DCTN1: variants seen among roughly 807,000 people sequenced by gnomAD.
DCTN1 encodes the protein 150 kDa dynein-associated polypeptide.
DCTN1 carries 61 observed loss-of-function variants against 161.2 expected under a neutral mutation model. The ratio of observed to expected loss-of-function variants is 0.38; its 90% confidence interval spans 0.31 to 0.47. The LOEUF is 0.47. Among genes scored for constraint, DCTN1 ranks in the 20% least tolerant of loss-of-function variants. The pLI, the probability that DCTN1 is intolerant of heterozygous loss-of-function variation, is 0.99. For missense variants in DCTN1, 1,404 were observed against 1,623.7 expected (o/e 0.86, Z 2.33); for synonymous variants, 653 against 632.4 (o/e 1.03, Z -0.49).
upstream of DCTN1, among the ~76,000 whole-genome samples, chr2:74,383,411 A>G (rs1029222687): frequency 6.6e-6 from 1 of 152,232 alleles, no homozygotes; most frequent in African/African-American, 2.4e-5. Context: ...GGAGTTTAAC[A>G]TCAGGCAGAC....
chr2:74,377,684 T>C lies in DCTN1; in HGVS notation c.322A>G (p.Thr108Ala). The change falls in exon 3 of 32, where the codon ACA (threonine) becomes GCA (alanine). Residue 108 changes from threonine to alanine, a missense_variant. Thr to Ala is a moderately conservative substitution (Grantham distance 58). Around this residue, in one of 9 missense-constraint regions of DCTN1, gnomAD observed 174 missense variants for 175.6 expected, o/e 0.99. Coordinates refer to ENST00000628224, the MANE Select transcript of DCTN1 (RefSeq NM_004082.5). ...ACTTTTGAAGCAGAAGAATCAGGTG[T>C]CTCTGGGGAAGTAGTATCTGCTCCA... Reference protein sequence around the residue: ...EDGADTTSPETPDSSASKVLK... With the variant: ...EDGADTTSPEAPDSSASKVLK... 6.2e-7 allele frequency: 1 copy of C among 1,614,200 alleles called. No homozygotes were observed. The highest frequency in any genetic ancestry group is 8.5e-7 in the Non-Finnish European group (1 of 1,180,022).
chr2:74,389,147 G>A, intron 1 of DCTN1, among the ~76,000 whole-genome samples: 1 of 152,144 alleles, frequency 6.6e-6, no homozygotes, highest in East Asian at 1.9e-4. Flanking sequence ...ATGCTCTGCT[G>A]TAGTGAAGCC....
At position 74,363,157 on chromosome 2, in the gene DCTN1, G is replaced by A; in HGVS notation, c.3366C>T (p.Ser1122=). 1 of 1,614,138 alleles carries A rather than the reference G, an allele frequency of 6.2e-7. No homozygotes were observed. The highest frequency in any genetic ancestry group is 8.5e-7 in the Non-Finnish European group (1 of 1,180,006). The change falls in exon 29 of 32, where the codon TCC becomes TCT. Residue 1122 remains serine, a synonymous_variant. Transcript: ENST00000628224. ...CATGCAGAGGGGGCAGGGATGCCAA[G>A]GATGCCTTCATCTGGGCTCCCTGTG... ...SILKGAQMKA[S]LASLPPLHVA...
At chr2:74,391,384 T>TCA in intron 1 of DCTN1, 1 of 205,224 alleles carries the variant, frequency 4.9e-6, no homozygotes, top group Non-Finnish European at 1.0e-5. Flanking sequence ...AGGAGTAGGA[T>TCA]CACACACACA....
chr2:74,363,641 T>C lies in DCTN1; in HGVS notation c.3197-13A>G, dbSNP rs374049568. The C allele has an allele frequency of 5.0e-6, 8 of 1,613,502 alleles. No homozygotes were observed. Among genetic ancestry groups the C allele is most frequent in the Middle Eastern group, 1.6e-4 (1 of 6,082 alleles). On this transcript the variant is annotated splice_polypyrimidine_tract_variant and intron_variant, in intron 26 of 31. Coordinates refer to ENST00000628224, the MANE Select transcript of DCTN1 (RefSeq NM_004082.5). ...CGCTGCTGTTCTTCTGTGCTCGGGA[T>C]AGCCCATGGGGGAGCAGGAAAAGAG... is the stretch of plus-strand genomic sequence containing the variant.
chr2:74,381,588 T>C (rs1406586736), upstream of DCTN1, among the ~76,000 whole-genome samples: 1 of 152,188 alleles, frequency 6.6e-6, no homozygotes, highest in East Asian at 1.9e-4. Context: ...CCTTGCAGCC[T>C]GGACCTCACA....
intron 30 of DCTN1, 86 bp from the exon 31 acceptor site, chr2:74,362,227 A>G: frequency 8.2e-7 from 1 of 1,212,576 alleles, no homozygotes; most frequent in South Asian, 1.2e-5. Context: ...AGAGACACTA[A>G]TACCAGGGGG....
chr2:74,381,298 T>A (rs1448045923), upstream of DCTN1, among the ~76,000 whole-genome samples: 1 of 152,164 alleles, frequency 6.6e-6, no homozygotes, highest in African/African-American at 2.4e-5. Flanking sequence ...ATGGTATGGA[T>A]CTAGTTCCCT....
At position 74,371,193 on chromosome 2, in the gene DCTN1, T is replaced by G. The variant is rs761153559; in HGVS notation, c.646-17A>C. ...CTCCTCCTCCTGCAAAGGAGAGGCC[T>G]CACGGTCTGTGCACAGCCCACTCCT... On this transcript the variant is annotated splice_polypyrimidine_tract_variant and intron_variant, in intron 8 of 31. Transcript: ENST00000628224. 1 of 1,612,344 alleles carries G rather than the reference T, an allele frequency of 6.2e-7. No individual in the cohort carries two copies. The highest frequency in any genetic ancestry group is 8.5e-7 in the Non-Finnish European group (1 of 1,180,022).
At chr2:74,368,670 G>A in intron 16 of DCTN1, 58 bp downstream of exon 16, 2 of 1,612,540 alleles carry the variant, frequency 1.2e-6, no homozygotes, top group South Asian at 2.2e-5. Flanking sequence ...CATCTTCAAT[G>A]CCTGGTTCAT....
chr2:74,374,484 G>C lies in DCTN1; in HGVS notation c.415-144C>G, dbSNP rs974376600. 3.0e-5 allele frequency: 46 copies of C among 1,516,462 alleles called. 1 individual carries two copies. In the African/African-American group the frequency reaches 6.3e-4, roughly 21 times the overall value. The allele number at this position is 1,516,462 out of a possible 1,614,324, so 93.9% of individuals were successfully genotyped here. A position where few individuals can be genotyped will look rare whatever the true frequency, so the allele number is the denominator to read the frequency against. ...AGAGGGAAAGGCGGCGGAGACAGGA[G>C]ATTAGTGCATCAAATCCCAACAATG... On this transcript the variant is annotated intron_variant, in intron 5 of 31. Coordinates refer to ENST00000628224, the MANE Select transcript of DCTN1 (RefSeq NM_004082.5).
At position 74,367,676 on chromosome 2, in the gene DCTN1, C is replaced by A. The variant is rs201918275; in HGVS notation, c.2184+20G>T. The A allele has an allele frequency of 2.5e-6, 4 of 1,614,126 alleles. 1 individual carries two copies. The East Asian group carries it at 8.9e-5, about 36-fold the overall frequency. ...AAGCTTCCCTGCCTCCTGCCCCAAG[C>A]CCAAATTCTTGCCCCACACCTGATA... On this transcript the variant is annotated intron_variant, in intron 18 of 31. Coordinates refer to ENST00000628224, the MANE Select transcript of DCTN1 (RefSeq NM_004082.5).
upstream of DCTN1, among the ~76,000 whole-genome samples, chr2:74,382,018 G>A (rs1307648690): frequency 6.6e-6 from 1 of 152,152 alleles, no homozygotes; most frequent in African/African-American, 2.4e-5. Flanking sequence ...GTGAGGAGTA[G>A]AGCCAAAACT....
chr2:74,361,657 A>G (rs775433957), intron 31 of DCTN1, 21 bp from the exon 32 acceptor site: 5 of 1,614,046 alleles, frequency 3.1e-6, no homozygotes, highest in East Asian at 2.2e-5. Flanking sequence ...ATGAGGAGAA[A>G]AAGACTCCAG....
At chr2:74,362,235 G>T (rs943576631) in intron 30 of DCTN1, 94 bp from the exon 31 acceptor site, 13 of 1,123,782 alleles carry the variant, frequency 1.2e-5, no homozygotes, top group Admixed American at 9.3e-5. Context: ...TAATACCAGG[G>T]GGGCAGGGAC....
upstream of DCTN1, among the ~76,000 whole-genome samples, chr2:74,382,576 G>A (rs536208178): frequency 2.0e-4 from 30 of 149,466 alleles, no homozygotes; most frequent in Non-Finnish European, 3.0e-4. Context: ...ACTCCAGCCA[G>A]GGCGACAGAC....
At chr2:74,364,918 A>C in intron 26 of DCTN1, 157 bp downstream of exon 26, 1 of 915,484 alleles carries the variant, frequency 1.1e-6, no homozygotes, top group Non-Finnish European at 1.7e-6. Context: ...GCGGAAGGGA[A>C]AACTTGGTGA....
At chr2:74,367,554 A>AT in intron 18 of DCTN1, 134 bp from the exon 19 acceptor site, 16 of 1,475,562 alleles carry the variant, frequency 1.1e-5, no homozygotes, top group Non-Finnish European at 1.3e-5. Flanking sequence ...AAGCAGCTGC[A>AT]TCATATGGAG....
At chr2:74,367,909 A>T (rs1205855852) in intron 17 of DCTN1, 45 bp from the exon 18 acceptor site, 1 of 1,614,206 alleles carries the variant, frequency 6.2e-7, no homozygotes, top group Non-Finnish European at 8.5e-7. Context: ...TCTGCCAGGC[A>T]ATCTCAGTTC....
Sources: gnomAD v4.1 joint callset for allele counts (sites outside exome capture counted in the v4.1 genomes callset) on GRCh38, gnomAD v4.1.1 for gene constraint, gnomAD v4.1.1 regional missense constraint, MANE v1.5 for transcripts, NCBI Gene and HGNC (gene_info 2026-07-23, HGNC 2026-07-21) for gene names.